The following AKAP6 variants were observed in gnomAD, a reference collection of about 807,000 sequenced individuals.
The protein encoded by AKAP6 is A-kinase anchoring protein 6.
A neutral mutation model predicts 188.5 loss-of-function variants in AKAP6; 58 were observed. The observed-to-expected ratio is 0.31, with a 90% CI of 0.25 to 0.38. The LOEUF is 0.38. Among genes scored for constraint, AKAP6 ranks in the 10% least tolerant of loss-of-function variants. The pLI, the probability that AKAP6 is intolerant of heterozygous loss-of-function variation, is 1.00. For synonymous variants in AKAP6, 989 were observed against 998.6 expected (o/e 0.99, Z 0.18); for missense variants, 2,710 against 2,740.0 (o/e 0.99, Z 0.24).
At chr14:32,481,965 T>C (rs1951197) in intron 2 of AKAP6, among the ~76,000 whole-genome samples, 95,591 of 152,048 alleles carry the variant, frequency 0.63, 30,719 homozygotes, top group East Asian at 0.89. Flanking sequence ...AGCTATACAA[T>C]TCTGGCTCCT....
At chr14:32,738,533 A>G (rs961624016) in intron 11 of AKAP6, among the ~76,000 whole-genome samples, 1 of 152,180 alleles carries the variant, frequency 6.6e-6, no homozygotes, top group African/African-American at 2.4e-5. Context: ...ATATTGTTAT[A>G]CTTAAAATAT....
intron 9 of AKAP6, among the ~76,000 whole-genome samples, chr14:32,732,102 G>A (rs1012294748): frequency 6.6e-6 from 1 of 151,878 alleles, no homozygotes. Flanking sequence ...AGAGATGAGA[G>A]GTGGACAGCA....
rs75489398 is a variant in AKAP6 at position 32,595,724 on chromosome 14, T to A, written c.2470-3686T>A. Among the ~76,000 whole-genome samples the A allele has an allele frequency of 9.9e-4, 150 of 152,146 alleles. 1 individual carries two copies. In the East Asian group the frequency reaches 0.02, roughly 21 times the overall value. On this transcript the variant is annotated intron_variant, in intron 5 of 13. Coordinates refer to ENST00000280979, the MANE Select transcript of AKAP6 (RefSeq NM_004274.5). The stretch of plus-strand genomic sequence containing the variant: ...AGCATAATTCCTATATAAAATTTTT[T>A]AAAAAAACTTGAATCCCATTGGGCA...
chr14:32,529,695 T>C (rs1882308424), intron 2 of AKAP6, among the ~76,000 whole-genome samples: 1 of 152,162 alleles, frequency 6.6e-6, no homozygotes, highest in Non-Finnish European at 1.5e-5. Context: ...GAAATAAAAA[T>C]ATTTTGCCAT....
chr14:32,797,964 C>T (rs2033824577), intron 12 of AKAP6, among the ~76,000 whole-genome samples: 1 of 148,626 alleles, frequency 6.7e-6, no homozygotes, highest in Non-Finnish European at 1.5e-5. Context: ...AAACAACCTA[C>T]AGAATTGGAG....
chr14:32,750,978 A>G (rs1156301140), intron 11 of AKAP6, among the ~76,000 whole-genome samples: 1 of 148,522 alleles, frequency 6.7e-6, no homozygotes, highest in Non-Finnish European at 1.5e-5. Context: ...CTCGTGATCC[A>G]CCCCCTTGGC....
intron 12 of AKAP6, among the ~76,000 whole-genome samples, chr14:32,814,031 G>A (rs148678580): frequency 2.2e-3 from 329 of 152,114 alleles, no homozygotes; most frequent in African/African-American, 7.5e-3. Context: ...GACTGGTGCT[G>A]GGACAAACAA....
At chr14:32,342,342 G>A (rs1164858398) in intron 1 of AKAP6, among the ~76,000 whole-genome samples, 1 of 152,124 alleles carries the variant, frequency 6.6e-6, no homozygotes, top group Non-Finnish European at 1.5e-5. Context: ...TGCCCTTAGG[G>A]TGGAGACTGG....
intron 11 of AKAP6, among the ~76,000 whole-genome samples, chr14:32,744,131 C>T (rs939850150): frequency 6.6e-6 from 1 of 152,112 alleles, no homozygotes; most frequent in African/African-American, 2.4e-5. Context: ...AAGGTTTCCA[C>T]TGAAAAGTCT....
intron 9 of AKAP6, among the ~76,000 whole-genome samples, chr14:32,717,932 G>T (rs1020874101): frequency 3.9e-5 from 6 of 152,100 alleles, no homozygotes; most frequent in African/African-American, 1.2e-4. Flanking sequence ...AATGAATCTG[G>T]CTAAAGAGGT....
At chr14:32,459,704 A>G (rs185464092) in intron 2 of AKAP6, among the ~76,000 whole-genome samples, 2 of 151,774 alleles carry the variant, frequency 1.3e-5, no homozygotes, top group African/African-American at 4.8e-5. Flanking sequence ...TTAATAAGAA[A>G]AAAGAATATC....
chr14:32,381,332 C>T (rs1331678044), intron 1 of AKAP6, among the ~76,000 whole-genome samples: 1 of 151,648 alleles, frequency 6.6e-6, no homozygotes, highest in Non-Finnish European at 1.5e-5. Flanking sequence ...AGAGTGAGAC[C>T]CCATCTCAAA....
intron 7 of AKAP6, among the ~76,000 whole-genome samples, chr14:32,610,555 AG>A (rs143600645): frequency 0.047 from 7,088 of 152,256 alleles, 527 homozygotes; most frequent in African/African-American, 0.16. Context: ...TTCTAAATTA[AG>A]GCAGACTGTG....
At chr14:32,567,280 G>T (rs921940646) in intron 4 of AKAP6, among the ~76,000 whole-genome samples, 3 of 152,168 alleles carry the variant, frequency 2.0e-5, no homozygotes, top group Non-Finnish European at 2.9e-5. Context: ...CTTTGAACTA[G>T]ATTAATTCTA....
At chr14:32,821,292 T>C (rs1249299861) in intron 12 of AKAP6, 110 bp from the exon 13 acceptor site, 4 of 1,217,980 alleles carry the variant, frequency 3.3e-6, no homozygotes, top group Middle Eastern at 2.0e-4. Context: ...TTCAAGTCCA[T>C]GCTTGGGGCA....
chr14:32,557,439 T>C (rs1224295183), intron 4 of AKAP6, among the ~76,000 whole-genome samples: 1 of 152,212 alleles, frequency 6.6e-6, no homozygotes, highest in African/African-American at 2.4e-5. Context: ...TAGCCATTAT[T>C]TACTGGATTT....
At chr14:32,584,984 A>C (rs76098314) in intron 5 of AKAP6, among the ~76,000 whole-genome samples, 1 of 152,196 alleles carries the variant, frequency 6.6e-6, no homozygotes, top group East Asian at 1.9e-4. Flanking sequence ...GAAGCATAAT[A>C]AATAGAAGCA....
intron 1 of AKAP6, among the ~76,000 whole-genome samples, chr14:32,370,496 G>A (rs890976391): frequency 2.6e-5 from 4 of 152,212 alleles, no homozygotes; most frequent in Admixed American, 2.0e-4. Flanking sequence ...AACCAGAACT[G>A]TTGTTCCTGA....
intron 7 of AKAP6, among the ~76,000 whole-genome samples, chr14:32,641,406 G>A (rs1375735926): frequency 2.7e-5 from 4 of 149,226 alleles, no homozygotes; most frequent in African/African-American, 9.9e-5. Context: ...GAGAGGCCGA[G>A]ATGGGAGGAT....
Sources: allele counts gnomAD v4.1 joint callset (sites outside exome capture counted in the v4.1 genomes callset), GRCh38; gene constraint gnomAD v4.1.1; transcripts MANE v1.5; gene names NCBI Gene and HGNC (gene_info 2026-07-23, HGNC 2026-07-21).